The following PTPRD variants were observed in gnomAD, a reference collection of about 807,000 sequenced individuals.
PTPRD encodes the protein protein tyrosine phosphatase receptor type D.
In PTPRD, 34 loss-of-function variants were observed where a neutral mutation model predicts 214.5. The observed-to-expected ratio is 0.16, with a 90% CI of 0.12 to 0.21. The LOEUF is 0.21. Ranked by LOEUF, PTPRD falls within the 10% of genes least tolerant of loss-of-function variation. PTPRD has a pLI of 1.00. For missense variants in PTPRD, 2,545 were observed against 2,398.7 expected (o/e 1.06, Z -1.27); for synonymous variants, 1,128 against 845.7 (o/e 1.33, Z -5.79).
chr9:9,032,532 T>A (rs1590153875), intron 10 of PTPRD, among the ~76,000 whole-genome samples: 1 of 152,036 alleles, frequency 6.6e-6, no homozygotes. Context: ...TCTCCCTCCC[T>A]TGCCCCCAAG....
chr9:9,169,002 G>C (rs551428853), intron 10 of PTPRD, among the ~76,000 whole-genome samples: 24 of 151,616 alleles, frequency 1.6e-4, no homozygotes, highest in African/African-American at 5.1e-4. Flanking sequence ...CATTTACCTA[G>C]AAAATATGCT....
intron 3 of PTPRD, among the ~76,000 whole-genome samples, chr9:10,140,070 C>T (rs1489207463): frequency 6.6e-6 from 1 of 151,958 alleles, no homozygotes; most frequent in African/African-American, 2.4e-5. Flanking sequence ...TTCTTCTCAG[C>T]AAGAGAGTTT....
intron 7 of PTPRD, among the ~76,000 whole-genome samples, chr9:9,672,447 A>T (rs2096850003): frequency 6.6e-6 from 1 of 152,168 alleles, no homozygotes; most frequent in Admixed American, 6.5e-5. Flanking sequence ...AATCAAAACA[A>T]TCCTATAAAA....
At chr9:9,780,859 A>G (rs2098837522) in intron 5 of PTPRD, among the ~76,000 whole-genome samples, 1 of 152,348 alleles carries the variant, frequency 6.6e-6, no homozygotes, top group African/African-American at 2.4e-5. Flanking sequence ...TGATAAAATG[A>G]TATCAACTAT....
intron 2 of PTPRD, among the ~76,000 whole-genome samples, chr9:10,536,536 G>A (rs2057838338): frequency 6.6e-6 from 1 of 152,002 alleles, no homozygotes. Flanking sequence ...TTAGGAATTG[G>A]ATCTGTTTGC....
intron 3 of PTPRD, among the ~76,000 whole-genome samples, chr9:10,130,123 T>A (rs1332206089): frequency 6.6e-6 from 1 of 151,964 alleles, no homozygotes; most frequent in African/African-American, 2.4e-5. Flanking sequence ...TGTATAAATG[T>A]AAACTTTTTA....
chr9:10,145,649 A>G (rs2099017044), intron 3 of PTPRD, among the ~76,000 whole-genome samples: 1 of 152,114 alleles, frequency 6.6e-6, no homozygotes, highest in African/African-American at 2.4e-5. Context: ...TTATACATGG[A>G]TTTTTGACTG....
chr9:8,610,153 C>T (rs1037799767), intron 14 of PTPRD, among the ~76,000 whole-genome samples: 1 of 143,404 alleles, frequency 7.0e-6, no homozygotes, highest in Non-Finnish European at 1.5e-5. Flanking sequence ...TCTTTATCAT[C>T]ATCATTATTA....
intron 11 of PTPRD, among the ~76,000 whole-genome samples, chr9:8,961,130 G>A (rs1026993299): frequency 6.6e-6 from 1 of 152,040 alleles, no homozygotes; most frequent in Admixed American, 6.6e-5. Context: ...AAAGTGGAAG[G>A]AACACCTAAG....
chr9:10,376,914 T>C (rs539937464), intron 2 of PTPRD, among the ~76,000 whole-genome samples: 56 of 152,138 alleles, frequency 3.7e-4, no homozygotes, highest in Non-Finnish European at 7.5e-4. Context: ...AATCCAATTA[T>C]AGTCTTTTAG....
intron 11 of PTPRD, among the ~76,000 whole-genome samples, chr9:8,934,480 T>TATATATATATAAATATATATATATAA (rs1567100174): frequency 6.2e-4 from 5 of 8,066 alleles, no homozygotes; most frequent in African/African-American, 7.6e-4. Context: ...TATATATAAA[T>TATATATATATAAATATATATATATAA]ATATATATAT....
intron 2 of PTPRD, among the ~76,000 whole-genome samples, chr9:10,560,882 C>G (rs1191023554): frequency 6.6e-6 from 1 of 152,160 alleles, no homozygotes; most frequent in Non-Finnish European, 1.5e-5. Context: ...CTGTCCATCA[C>G]TGTGGAAAGT....
chr9:10,148,731 G>A (rs1317655973), intron 3 of PTPRD, among the ~76,000 whole-genome samples: 1 of 152,148 alleles, frequency 6.6e-6, no homozygotes, highest in Non-Finnish European at 1.5e-5. Flanking sequence ...CAACTGTAAT[G>A]CCCAGGTTCA....
intron 2 of PTPRD, among the ~76,000 whole-genome samples, chr9:10,389,528 T>C (rs1271636935): frequency 2.0e-5 from 3 of 151,878 alleles, no homozygotes; most frequent in African/African-American, 7.2e-5. Flanking sequence ...AAGTCTTCTA[T>C]AAACACTTCA....
At chr9:9,712,175 G>C (rs1382404188) in intron 7 of PTPRD, among the ~76,000 whole-genome samples, 1 of 151,692 alleles carries the variant, frequency 6.6e-6, no homozygotes, top group Non-Finnish European at 1.5e-5. Context: ...AATTTTTTTT[G>C]TCTCTTACTT....
chr9:8,725,115 T>C (rs974963726), intron 12 of PTPRD, among the ~76,000 whole-genome samples: 2 of 152,168 alleles, frequency 1.3e-5, no homozygotes, highest in Middle Eastern at 3.2e-3. Context: ...ACATGGAAAA[T>C]TCCTGTATGA....
intron 22 of PTPRD, among the ~76,000 whole-genome samples, chr9:8,504,653 C>G (rs1018878926): frequency 7.9e-5 from 12 of 152,168 alleles, no homozygotes; most frequent in African/African-American, 2.7e-4. Flanking sequence ...AATGTTGACA[C>G]AGTCAGCCAA....
chr9:10,335,894 A>G (rs1301920021), intron 3 of PTPRD, among the ~76,000 whole-genome samples: 1 of 151,818 alleles, frequency 6.6e-6, no homozygotes, highest in East Asian at 1.9e-4. Context: ...TAGAGATATC[A>G]GTACGTACTT....
intron 12 of PTPRD, among the ~76,000 whole-genome samples, chr9:8,703,537 C>T (rs935383388): frequency 2.0e-5 from 3 of 152,142 alleles, no homozygotes; most frequent in Non-Finnish European, 4.4e-5. Context: ...TCTATGCATG[C>T]GGCCTCTAGG....
Sources: gnomAD v4.1 joint callset for allele counts (sites outside exome capture counted in the v4.1 genomes callset) on GRCh38, gnomAD v4.1.1 for gene constraint, MANE v1.5 for transcripts, NCBI Gene and HGNC (gene_info 2026-07-23, HGNC 2026-07-21) for gene names.